Variants in HSF2BP observed in about 807,000 individuals in gnomAD.
HSF2BP encodes heat shock factor 2-binding protein.
HSF2BP carries 35 observed loss-of-function variants against 35.0 expected under a neutral mutation model. The ratio of observed to expected loss-of-function variants is 1.00; its 90% CI spans 0.76 to 1.32. HSF2BP has a LOEUF of 1.32. Ranked by LOEUF, HSF2BP falls within the 40% of genes most tolerant of loss-of-function variation. The pLI, the probability that HSF2BP is intolerant of heterozygous loss-of-function variation, is 0.00. For synonymous variants in HSF2BP, 114 were observed against 117.4 expected, an observed-to-expected ratio of 0.97 and a Z score of 0.18; for missense variants, 326 against 321.7, an observed-to-expected ratio of 1.01 and a Z score of -0.10.
At chr21:43,642,502 C>T (rs1028665805) in intron 4 of HSF2BP, among the ~76,000 whole-genome samples, 2 of 152,082 alleles carry the variant, frequency 1.3e-5, no homozygotes, top group East Asian at 3.9e-4. Context: ...CTTGCAGGAG[C>T]TTTCCTCTGT....
chr21:43,644,139 A>G, intron 4 of HSF2BP, 150 bp downstream of exon 4: 1 of 588,600 alleles, frequency 1.7e-6, no homozygotes, highest in Non-Finnish European at 3.1e-6. Context: ...GTTCAACTAC[A>G]TTCCAACCCA....
At position 43,658,156 on chromosome 21, in the gene HSF2BP, C is replaced by A. The variant is rs2082906689; in HGVS notation, c.-60G>T. 1.4e-6 allele frequency: 2 copies of A among 1,461,346 alleles called. No individual in the cohort carries two copies. Among genetic ancestry groups the A allele is most frequent in the Non-Finnish European group, 1.8e-6 (2 of 1,108,474 alleles). The allele number at this position is 1,461,346 out of a possible 1,614,324, so 90.5% of individuals were successfully genotyped here. ...TCGGCGCGCCCTCTGACCCCTCACG[C>A]CAGAAAGCGCGGGAACGAATCCACG... On this transcript the variant is annotated 5_prime_UTR_variant, in exon 2 of 9. Coordinates refer to ENST00000291560, the MANE Select transcript of HSF2BP (RefSeq NM_007031.2).
At chr21:43,584,986 T>TTTTA (rs1004988379) in intron 8 of HSF2BP, among the ~76,000 whole-genome samples, 6 of 142,994 alleles carry the variant, frequency 4.2e-5, no homozygotes, top group South Asian at 2.1e-4. Context: ...CTAGGTATAA[T>TTTTA]TTTATTTAAT....
At chr21:43,621,844 T>C (rs575294512) in intron 6 of HSF2BP, among the ~76,000 whole-genome samples, 1 of 152,030 alleles carries the variant, frequency 6.6e-6, no homozygotes, top group African/African-American at 2.4e-5. Flanking sequence ...AAAATAAATA[T>C]AAAACACACT....
At chr21:43,647,243 AT>A (rs968998889) in intron 3 of HSF2BP, among the ~76,000 whole-genome samples, 48 of 149,786 alleles carry the variant, frequency 3.2e-4, no homozygotes, top group African/African-American at 5.9e-4. Context: ...TGAAACAACA[AT>A]TTTTTTTTTC....
chr21:43,600,743 C>T (rs1173893937), intron 7 of HSF2BP, among the ~76,000 whole-genome samples: 3 of 152,172 alleles, frequency 2.0e-5, no homozygotes, highest in Non-Finnish European at 4.4e-5. Flanking sequence ...ATACAATACC[C>T]ACCTCCCTGG....
rs539607738 is a variant in HSF2BP, at chr21:43,658,212, C to T, written c.-116G>A. On this transcript the variant is annotated 5_prime_UTR_variant, in exon 2 of 9. Coordinates refer to ENST00000291560, the MANE Select transcript of HSF2BP (RefSeq NM_007031.2). The stretch of plus-strand genomic sequence containing the variant: ...GGTCGGGAACGGAGAGCCGCCAGGC[C>T]CAAACCTCCCAGAATTTGCGCAGTA... 13 of 1,216,670 alleles carry T rather than the reference C, an allele frequency of 1.1e-5. No individual in the cohort carries two copies. In the Admixed American group the frequency reaches 3.9e-4, roughly 36 times the overall value. The allele number at this position is 1,216,670 out of a possible 1,614,324, so 75.4% of individuals were successfully genotyped here.
chr21:43,654,816 T>C (rs1294943443), intron 3 of HSF2BP, among the ~76,000 whole-genome samples: 2 of 152,176 alleles, frequency 1.3e-5, no homozygotes, highest in African/African-American at 4.8e-5. Flanking sequence ...TGAGACTGCC[T>C]AGGGAGAAGC....
At chr21:43,600,606 T>C (rs1219428830) in intron 7 of HSF2BP, among the ~76,000 whole-genome samples, 1 of 152,236 alleles carries the variant, frequency 6.6e-6, no homozygotes, top group African/African-American at 2.4e-5. Context: ...TTAGATTCTG[T>C]GCCTCTTTCC....
intron 3 of HSF2BP, among the ~76,000 whole-genome samples, chr21:43,646,632 C>G (rs1375029326): frequency 2.0e-5 from 3 of 152,214 alleles, no homozygotes; most frequent in Non-Finnish European, 2.9e-5. Context: ...GGCTCTCTTG[C>G]ATTACGGTAA....
intron 7 of HSF2BP, among the ~76,000 whole-genome samples, chr21:43,609,278 A>G (rs2082173157): frequency 1.3e-5 from 2 of 152,318 alleles, no homozygotes; most frequent in South Asian, 4.2e-4. Flanking sequence ...GGAGACTCCA[A>G]AAGGAGAGAG....
At chr21:43,607,187 T>G (rs932063650) in intron 7 of HSF2BP, among the ~76,000 whole-genome samples, 8 of 151,636 alleles carry the variant, frequency 5.3e-5, no homozygotes, top group Non-Finnish European at 1.0e-4. Flanking sequence ...CTACTCAGGA[T>G]GCTCAGGCAG....
chr21:43,643,277 C>T (rs750216096), intron 4 of HSF2BP, among the ~76,000 whole-genome samples: 2 of 152,004 alleles, frequency 1.3e-5, no homozygotes, highest in East Asian at 1.9e-4. Context: ...TTTTTTCCTC[C>T]GAGACTCTCA....
At chr21:43,581,365 G>A (rs1372828425) in intron 8 of HSF2BP, among the ~76,000 whole-genome samples, 3 of 151,442 alleles carry the variant, frequency 2.0e-5, no homozygotes, top group Admixed American at 6.6e-5. Context: ...CAGCCTGGGT[G>A]GCAGAGTGAG....
At chr21:43,648,170 T>C (rs957478050) in intron 3 of HSF2BP, among the ~76,000 whole-genome samples, 2 of 152,058 alleles carry the variant, frequency 1.3e-5, no homozygotes, top group African/African-American at 4.8e-5. Flanking sequence ...CCCTCTACTT[T>C]CCTATGTTCT....
chr21:43,652,536 C>T (rs1601731996), intron 3 of HSF2BP, among the ~76,000 whole-genome samples: 1 of 151,996 alleles, frequency 6.6e-6, no homozygotes, highest in South Asian at 2.1e-4. Flanking sequence ...ACAGTACAAT[C>T]GTGAATTTCC....
At chr21:43,617,258 T>C (rs2082283060) in intron 6 of HSF2BP, among the ~76,000 whole-genome samples, 2 of 151,812 alleles carry the variant, frequency 1.3e-5, no homozygotes, top group South Asian at 4.2e-4. Context: ...ATGTATCTCA[T>C]AGCAAGCAAC....
chr21:43,599,382 G>T (rs910880663), intron 7 of HSF2BP, among the ~76,000 whole-genome samples: 4 of 152,140 alleles, frequency 2.6e-5, no homozygotes, highest in Admixed American at 1.3e-4. Context: ...CAAATGTTTC[G>T]TCTAATATAA....
intron 4 of HSF2BP, among the ~76,000 whole-genome samples, chr21:43,640,263 T>C (rs559532551): frequency 6.6e-6 from 1 of 152,338 alleles, no homozygotes; most frequent in East Asian, 1.9e-4. Context: ...ATCCTGCCAC[T>C]GCATGTCACT....
Sources: allele counts gnomAD v4.1 joint callset (sites outside exome capture counted in the v4.1 genomes callset), GRCh38; gene constraint gnomAD v4.1.1; transcripts MANE v1.5; gene names NCBI Gene and HGNC (gene_info 2026-07-23, HGNC 2026-07-21).